The following GALNT13 variants were observed in gnomAD, a reference collection of about 807,000 sequenced individuals.
The protein encoded by GALNT13 is UDP-GalNAc:polypeptide N-acetylgalactosaminyltransferase 13.
Under a neutral mutation model 64.2 loss-of-function variants are expected in GALNT13, and 28 were observed. That is an observed-to-expected ratio of 0.44 (90% CI 0.32 to 0.60). GALNT13 has a LOEUF of 0.60. GALNT13 is among the 20% of genes least tolerant of loss of function. GALNT13 has a pLI of 0.05. For synonymous variants in GALNT13, 214 were observed against 224.6 expected (o/e 0.95, Z 0.42); for missense variants, 577 against 669.8 (o/e 0.86, Z 1.53).
At chr2:153,926,201 A>G (rs1307379786) in intron 2 of GALNT13, 1 of 152,094 alleles carries the variant, frequency 6.6e-6, no homozygotes, top group Non-Finnish European at 1.5e-5. Flanking sequence ...ATAATGTTCT[A>G]GGGTCCAAGT....
At chr2:153,535,948 G>A in the GALNT13 span, among the ~76,000 whole-genome samples, 864 of 152,218 alleles carry the variant, frequency 5.7e-3, 13 homozygotes, top group African/African-American at 0.02. Flanking sequence ...CTTTAGGAAA[G>A]GACTCTACCT....
chr2:153,931,355 A>T (rs1690503992), intron 2 of GALNT13, among the ~76,000 whole-genome samples: 2 of 150,880 alleles, frequency 1.3e-5, no homozygotes, highest in Admixed American at 6.6e-5. Flanking sequence ...TCGCTTGATT[A>T]CTCTCACTAT....
chr2:154,051,440 G>A (rs1056077179), intron 3 of GALNT13, among the ~76,000 whole-genome samples: 25 of 151,232 alleles, frequency 1.7e-4, no homozygotes, highest in Admixed American at 7.2e-4. Context: ...ACAGGCGCCC[G>A]CCACCGCGCC....
chr2:153,960,256 C>T (rs180688381), intron 3 of GALNT13, among the ~76,000 whole-genome samples: 1 of 152,328 alleles, frequency 6.6e-6, no homozygotes. Context: ...CTGACTGCTG[C>T]CTCATTAATC....
the GALNT13 span, among the ~76,000 whole-genome samples, chr2:153,746,753 T>C: frequency 6.6e-6 from 1 of 152,188 alleles, no homozygotes; most frequent in Non-Finnish European, 1.5e-5. Context: ...CAATAATTAT[T>C]ACTTTCCATT....
chr2:153,151,611 A>G, the GALNT13 span, among the ~76,000 whole-genome samples: 2 of 152,160 alleles, frequency 1.3e-5, no homozygotes, highest in African/African-American at 4.8e-5. Context: ...CTGGATTAAG[A>G]AAATGTGGCA....
chr2:154,152,008 G>GCAGTTTCTTCCTA (rs1324278247), intron 4 of GALNT13, among the ~76,000 whole-genome samples: 1 of 152,142 alleles, frequency 6.6e-6, no homozygotes, highest in Non-Finnish European at 1.5e-5. Flanking sequence ...GTTAGTTGAT[G>GCAGTTTCTTCCTA]CAGTTTCTTC....
chr2:154,300,577 A>G (rs185376942), intron 8 of GALNT13, among the ~76,000 whole-genome samples: 2 of 152,040 alleles, frequency 1.3e-5, no homozygotes, highest in African/African-American at 4.8e-5. Context: ...TATGTTATAT[A>G]TATATATAAT....
At chr2:154,191,288 T>G (rs1686564131) in intron 4 of GALNT13, among the ~76,000 whole-genome samples, 1 of 152,136 alleles carries the variant, frequency 6.6e-6, no homozygotes, top group African/African-American at 2.4e-5. Context: ...CCACTTAAAT[T>G]TTTGGCTCAC....
the GALNT13 span, among the ~76,000 whole-genome samples, chr2:153,534,778 T>G: frequency 6.6e-6 from 1 of 152,192 alleles, no homozygotes; most frequent in South Asian, 2.1e-4. Flanking sequence ...ATGTCGTTAC[T>G]TAAGGCAAGG....
chr2:154,347,355 T>C (rs1696127963), intron 9 of GALNT13, among the ~76,000 whole-genome samples: 1 of 152,182 alleles, frequency 6.6e-6, no homozygotes, highest in Admixed American at 6.6e-5. Flanking sequence ...TTTGTTATAA[T>C]ATTTTATTCC....
the GALNT13 span, among the ~76,000 whole-genome samples, chr2:153,803,691 C>CAAAA: frequency 2.7e-3 from 281 of 105,028 alleles, no homozygotes; most frequent in African/African-American, 9.7e-3. Flanking sequence ...GACTCTGTCT[C>CAAAA]AAAAAAAAAA....
intron 9 of GALNT13, among the ~76,000 whole-genome samples, chr2:154,376,494 T>C (rs935913853): frequency 1.3e-5 from 2 of 152,172 alleles, no homozygotes; most frequent in African/African-American, 4.8e-5. Context: ...TTAATGCCTT[T>C]ATTTAAAACA....
the GALNT13 span, among the ~76,000 whole-genome samples, chr2:153,220,705 T>G: frequency 1.3e-5 from 2 of 152,232 alleles, no homozygotes; most frequent in African/African-American, 4.8e-5. Flanking sequence ...TCTAAAGCTT[T>G]TTCATAAACT....
chr2:153,766,598 T>C, the GALNT13 span, among the ~76,000 whole-genome samples: 1 of 152,160 alleles, frequency 6.6e-6, no homozygotes, highest in Non-Finnish European at 1.5e-5. Context: ...TATTCTGTCT[T>C]CTAACTTACT....
At chr2:153,240,122 TA>T in the GALNT13 span, among the ~76,000 whole-genome samples, 1 of 152,216 alleles carries the variant, frequency 6.6e-6, no homozygotes, top group Non-Finnish European at 1.5e-5. Flanking sequence ...TTGCTTATCT[TA>T]ACCTCTAATA....
the GALNT13 span, among the ~76,000 whole-genome samples, chr2:153,347,406 A>G: frequency 1.3e-5 from 2 of 152,318 alleles, no homozygotes; most frequent in East Asian, 3.9e-4. Context: ...ATCAGACTTC[A>G]CTTAAGTCAC....
At chr2:153,209,012 G>GT in the GALNT13 span, among the ~76,000 whole-genome samples, 1 of 96,208 alleles carries the variant, frequency 1.0e-5, no homozygotes, top group East Asian at 2.6e-4. Context: ...GGAGTCTTGC[G>GT]TTTTCACCCA....
chr2:153,984,732 T>C (rs539843380), intron 3 of GALNT13, among the ~76,000 whole-genome samples: 1 of 152,052 alleles, frequency 6.6e-6, no homozygotes, highest in East Asian at 1.9e-4. Context: ...GATCTATTTT[T>C]AATAATTATA....
Sources: gnomAD v4.1 joint callset for allele counts (sites outside exome capture counted in the v4.1 genomes callset) on GRCh38, gnomAD v4.1.1 for gene constraint, MANE v1.5 for transcripts, NCBI Gene and HGNC (gene_info 2026-07-23, HGNC 2026-07-21) for gene names.